GRID2: variants seen among roughly 807,000 people sequenced by gnomAD.
GRID2 encodes glutamate receptor ionotropic, delta-2.
Under a neutral mutation model 114.8 loss-of-function variants are expected in GRID2, and 33 were observed. That is an observed-to-expected ratio of 0.29 (90% confidence interval 0.22 to 0.38). GRID2 has a LOEUF of 0.38. Ranked by LOEUF, GRID2 falls within the 10% of genes least tolerant of loss-of-function variation. GRID2 has a pLI of 1.00. For missense variants in GRID2, 1,184 were observed against 1,257.7 expected (o/e 0.94, Z 0.89); for synonymous variants, 505 against 449.9 (o/e 1.12, Z -1.55).
At chr4:92,527,900 A>G (rs1725122673) in intron 1 of GRID2, among the ~76,000 whole-genome samples, 1 of 152,024 alleles carries the variant, frequency 6.6e-6, no homozygotes, top group Admixed American at 6.6e-5. Context: ...GTTATTGATC[A>G]CAATAATTCA....
At chr4:93,371,226 A>G (rs910171544) in intron 8 of GRID2, among the ~76,000 whole-genome samples, 4 of 152,212 alleles carry the variant, frequency 2.6e-5, no homozygotes, top group Non-Finnish European at 4.4e-5. Context: ...AAGTTTAAGT[A>G]AAAAGATTCC....
At chr4:92,590,020 T>C in intron 1 of GRID2, 111 bp from the exon 2 acceptor site, 2 of 699,784 alleles carry the variant, frequency 2.9e-6, no homozygotes, top group Non-Finnish European at 4.9e-6. Flanking sequence ...AAGTGCATGC[T>C]CTAAGTGAAA....
At chr4:93,295,612 C>G (rs577351542) in intron 8 of GRID2, among the ~76,000 whole-genome samples, 3 of 151,902 alleles carry the variant, frequency 2.0e-5, no homozygotes, top group Admixed American at 2.0e-4. Flanking sequence ...CCTCTCCCCG[C>G]TCCTCCTCCT....
chr4:93,552,527 C>T (rs1330334536), intron 13 of GRID2, among the ~76,000 whole-genome samples: 2 of 152,276 alleles, frequency 1.3e-5, no homozygotes, highest in South Asian at 4.2e-4. Context: ...TTCTCCACAT[C>T]CTCTCCAGCA....
chr4:92,362,896 C>T (rs1444605171), intron 1 of GRID2, among the ~76,000 whole-genome samples: 1 of 151,896 alleles, frequency 6.6e-6, no homozygotes, highest in Admixed American at 6.6e-5. Flanking sequence ...ATTATTTTAA[C>T]ATTTGGTCGA....
intron 10 of GRID2, among the ~76,000 whole-genome samples, chr4:93,451,931 T>C (rs1487908518): frequency 6.6e-6 from 1 of 152,096 alleles, no homozygotes; most frequent in Non-Finnish European, 1.5e-5. Context: ...AATGTTAAAT[T>C]TGAGGTATTT....
At chr4:92,895,405 A>ATATATATAT (rs1560677408) in intron 2 of GRID2, among the ~76,000 whole-genome samples, 6 of 146,070 alleles carry the variant, frequency 4.1e-5, no homozygotes, top group African/African-American at 7.8e-5. Flanking sequence ...ATATATATAT[A>ATATATATAT]AACTGAAAGA....
At chr4:92,385,932 C>G (rs1240865571) in intron 1 of GRID2, among the ~76,000 whole-genome samples, 1 of 146,498 alleles carries the variant, frequency 6.8e-6, no homozygotes, top group African/African-American at 2.5e-5. Flanking sequence ...ATATGAAATA[C>G]ACAGTTCATT....
intron 4 of GRID2, among the ~76,000 whole-genome samples, chr4:93,200,526 A>C (rs1301487639): frequency 6.6e-6 from 1 of 151,912 alleles, no homozygotes; most frequent in Non-Finnish European, 1.5e-5. Context: ...AGATCGCGCC[A>C]CTGCACTCCA....
chr4:92,952,174 A>T (rs1401299129), intron 2 of GRID2, among the ~76,000 whole-genome samples: 1 of 152,218 alleles, frequency 6.6e-6, no homozygotes, highest in Non-Finnish European at 1.5e-5. Flanking sequence ...ATTTGAGAGC[A>T]CCTGATTTCT....
intron 2 of GRID2, among the ~76,000 whole-genome samples, chr4:92,821,522 G>C (rs1285645158): frequency 6.6e-6 from 1 of 151,950 alleles, no homozygotes; most frequent in Non-Finnish European, 1.5e-5. Flanking sequence ...CTAGGTAATT[G>C]ATCTTGATTT....
At chr4:93,226,792 T>C (rs1212027747) in intron 7 of GRID2, among the ~76,000 whole-genome samples, 1 of 152,166 alleles carries the variant, frequency 6.6e-6, no homozygotes, top group African/African-American at 2.4e-5. Context: ...TCTGCCTGAG[T>C]CTTCATGCTC....
intron 13 of GRID2, among the ~76,000 whole-genome samples, chr4:93,601,023 G>A (rs188411568): frequency 6.6e-6 from 1 of 152,144 alleles, no homozygotes; most frequent in African/African-American, 2.4e-5. Flanking sequence ...GTGAGGAAGA[G>A]GGCAAGGAAA....
chr4:93,183,090 G>A (rs1263748909), intron 4 of GRID2, among the ~76,000 whole-genome samples: 1 of 152,142 alleles, frequency 6.6e-6, no homozygotes. Context: ...GTAAAATAAA[G>A]TAAATCAGGT....
intron 4 of GRID2, among the ~76,000 whole-genome samples, chr4:93,177,355 C>CT (rs1739445388): frequency 6.6e-6 from 1 of 151,958 alleles, no homozygotes; most frequent in African/African-American, 2.4e-5. Context: ...TGCTTTTAGC[C>CT]TTTTCATGCC....
intron 2 of GRID2, among the ~76,000 whole-genome samples, chr4:92,758,248 G>T (rs1017897455): frequency 2.6e-5 from 4 of 152,046 alleles, no homozygotes; most frequent in Non-Finnish European, 5.9e-5. Flanking sequence ...TTGGAGGTTT[G>T]AGGACCAAAA....
intron 1 of GRID2, among the ~76,000 whole-genome samples, chr4:92,353,954 G>C (rs994623404): frequency 6.6e-6 from 1 of 152,002 alleles, no homozygotes; most frequent in African/African-American, 2.4e-5. Context: ...TTTGCCTCAG[G>C]CATCCGCAGA....
intron 2 of GRID2, among the ~76,000 whole-genome samples, chr4:92,745,164 G>C (rs1169823010): frequency 6.6e-6 from 1 of 152,138 alleles, no homozygotes; most frequent in Non-Finnish European, 1.5e-5. Context: ...TGACAGCACA[G>C]ATATATTAAA....
intron 3 of GRID2, among the ~76,000 whole-genome samples, chr4:93,102,225 A>G (rs959199170): frequency 1.1e-4 from 16 of 152,120 alleles, no homozygotes; most frequent in African/African-American, 3.4e-4. Context: ...TCGCAAAACT[A>G]CTGCATTGGG....
Sources: gnomAD v4.1 joint callset for allele counts (sites outside exome capture counted in the v4.1 genomes callset) on GRCh38, gnomAD v4.1.1 for gene constraint, MANE v1.5 for transcripts, NCBI Gene and HGNC (gene_info 2026-07-23, HGNC 2026-07-21) for gene names.